SCAPER: variants seen among roughly 807,000 people sequenced by gnomAD.
The protein encoded by SCAPER is S phase cyclin A-associated protein in the endoplasmic reticulum.
In SCAPER, 98 loss-of-function variants were observed where a neutral mutation model predicts 182.2. The observed-to-expected ratio is 0.54, with a 90% CI of 0.46 to 0.64. The LOEUF (loss-of-function observed/expected upper bound fraction) is 0.64, where lower values mean the gene tolerates loss of function less well. Among genes scored for constraint, SCAPER ranks in the 30% least tolerant of loss-of-function variants. The pLI is 0.00. For missense variants in SCAPER, 1,432 were observed against 1,690.0 expected (o/e 0.85, Z 2.68); for synonymous variants, 605 against 564.6 (o/e 1.07, Z -1.01).
intron 27 of SCAPER, among the ~76,000 whole-genome samples, chr15:76,382,472 T>C (rs562720570): frequency 1.3e-4 from 19 of 151,652 alleles, no homozygotes; most frequent in Non-Finnish European, 2.4e-4. Context: ...AAGAGTCCCA[T>C]GCTCTACCAA....
At chr15:76,527,591 T>TA (rs1391889154) in intron 23 of SCAPER, among the ~76,000 whole-genome samples, 9 of 152,202 alleles carry the variant, frequency 5.9e-5, no homozygotes, top group Non-Finnish European at 8.8e-5. Flanking sequence ...CACCTCCTTT[T>TA]AGGAGAAGAA....
intron 23 of SCAPER, among the ~76,000 whole-genome samples, chr15:76,549,541 G>C (rs1053839408): frequency 6.6e-6 from 1 of 152,070 alleles, no homozygotes; most frequent in Non-Finnish European, 1.5e-5. Context: ...GGTGGGAACT[G>C]AACAATGAGA....
chr15:76,511,407 AGTCCTGCCTT>A (rs1292141835), intron 23 of SCAPER, among the ~76,000 whole-genome samples: 7 of 152,282 alleles, frequency 4.6e-5, no homozygotes, highest in African/African-American at 1.7e-4. Flanking sequence ...CCGTTTGAGT[AGTCCTGCCTT>A]GGATACACAC....
intron 21 of SCAPER, among the ~76,000 whole-genome samples, chr15:76,648,520 A>G (rs1037445296): frequency 6.6e-6 from 1 of 152,216 alleles, no homozygotes; most frequent in African/African-American, 2.4e-5. Context: ...AAACTCACAG[A>G]TTCAAAAAGC....
chr15:76,807,202 A>G (rs2066228641), intron 5 of SCAPER, among the ~76,000 whole-genome samples: 1 of 152,224 alleles, frequency 6.6e-6, no homozygotes, highest in African/African-American at 2.4e-5. Context: ...TGGATTTTTC[A>G]TAGATACTCT....
chr15:76,605,452 A>G (rs1347310050), intron 22 of SCAPER, among the ~76,000 whole-genome samples: 3 of 151,934 alleles, frequency 2.0e-5, no homozygotes, highest in East Asian at 1.9e-4. Context: ...TTTTTGCATC[A>G]ATGTTCATCA....
intron 22 of SCAPER, among the ~76,000 whole-genome samples, chr15:76,619,799 C>T (rs559914929): frequency 5.9e-5 from 9 of 152,152 alleles, no homozygotes; most frequent in African/African-American, 1.2e-4. Flanking sequence ...TCTTAAAGGT[C>T]GGGCACGATG....
In SCAPER at chr15:76,795,289, G is replaced by C; in HGVS notation, c.763C>G (p.Arg255Gly). The change falls in exon 8 of 32, where the codon CGC becomes GGC. Residue 255 changes from arginine to glycine, a missense_variant. This residue lies in a region of SCAPER where 480 missense variants were observed against 510.2 expected (regional missense o/e 0.94). Transcript: ENST00000563290. ...CPPMTVQKAS[R>G]KNERKDAEGW... ...ATTCGAAGTCACTTGCCATTTTTGC[G>C]TGAGGCCTTCTGCACTGTCATTGGT... The C allele has an allele frequency of 6.2e-7, 1 of 1,608,260 alleles. No homozygotes were observed. Among genetic ancestry groups the C allele is most frequent in the South Asian group, 1.1e-5 (1 of 90,244 alleles).
At chr15:76,732,275 T>C (rs2060962227) in intron 16 of SCAPER, among the ~76,000 whole-genome samples, 1 of 152,056 alleles carries the variant, frequency 6.6e-6, no homozygotes, top group Admixed American at 6.6e-5. Flanking sequence ...TATAATAAAA[T>C]ATACAAAATA....
At chr15:76,520,963 T>C (rs1248506144) in intron 23 of SCAPER, among the ~76,000 whole-genome samples, 1 of 152,088 alleles carries the variant, frequency 6.6e-6, no homozygotes, top group Non-Finnish European at 1.5e-5. Context: ...CCTAGACAGA[T>C]GATAGCACTA....
At chr15:76,652,367 CACACATAT>C (rs1365866500) in intron 21 of SCAPER, among the ~76,000 whole-genome samples, 1 of 23,862 alleles carries the variant, frequency 4.2e-5, no homozygotes, top group Non-Finnish European at 6.6e-5. Context: ...CACACACACA[CACACATAT>C]ATATATATAT....
intron 23 of SCAPER, among the ~76,000 whole-genome samples, chr15:76,557,204 C>T (rs2046256548): frequency 6.6e-6 from 1 of 152,056 alleles, no homozygotes; most frequent in Non-Finnish European, 1.5e-5. Flanking sequence ...AGATTCAATG[C>T]TATTCCTATC....
At chr15:76,440,797 A>C (rs1266409867) in intron 25 of SCAPER, among the ~76,000 whole-genome samples, 2 of 151,874 alleles carry the variant, frequency 1.3e-5, no homozygotes, top group East Asian at 3.9e-4. Context: ...AATAGAACTG[A>C]TGAAAGGTAT....
At chr15:76,407,802 T>C (rs1456385955) in intron 26 of SCAPER, among the ~76,000 whole-genome samples, 2 of 152,212 alleles carry the variant, frequency 1.3e-5, no homozygotes, top group Admixed American at 1.3e-4. Flanking sequence ...TTTTAAATCT[T>C]TATTGACAGA....
chr15:76,844,204 C>T (rs2069785397), intron 4 of SCAPER, among the ~76,000 whole-genome samples: 1 of 147,758 alleles, frequency 6.8e-6, no homozygotes, highest in African/African-American at 2.5e-5. Context: ...AGAAGTTTCA[C>T]ACAATTGGAT....
At chr15:76,498,267 A>G (rs1426814536) in intron 24 of SCAPER, 2 of 152,176 alleles carry the variant, frequency 1.3e-5, no homozygotes, top group Non-Finnish European at 2.9e-5. Context: ...TCCCATGCCC[A>G]CAAGTGATCC....
intron 5 of SCAPER, among the ~76,000 whole-genome samples, chr15:76,817,781 G>A (rs1365640059): frequency 6.6e-6 from 1 of 151,822 alleles, no homozygotes; most frequent in Admixed American, 6.6e-5. Flanking sequence ...ATATGTATAA[G>A]ATCTATATTA....
chr15:76,818,565 C>G (rs576461618), intron 5 of SCAPER, among the ~76,000 whole-genome samples: 1 of 152,280 alleles, frequency 6.6e-6, no homozygotes, highest in East Asian at 1.9e-4. Context: ...CACTGTTATC[C>G]AAAACATACA....
intron 29 of SCAPER, among the ~76,000 whole-genome samples, chr15:76,370,291 A>ATT (rs10524497): frequency 0.025 from 3,017 of 119,188 alleles, 217 homozygotes; most frequent in African/African-American, 0.096. Flanking sequence ...TACCATTTCA[A>ATT]TTTTTTTTTT....
Sources: allele counts gnomAD v4.1 joint callset (sites outside exome capture counted in the v4.1 genomes callset), GRCh38; gene constraint gnomAD v4.1.1; regional missense constraint gnomAD v4.1.1; transcripts MANE v1.5; gene names NCBI Gene and HGNC (gene_info 2026-07-23, HGNC 2026-07-21).